The following DECR2 variants were observed in gnomAD, a reference collection of about 807,000 sequenced individuals.
DECR2 encodes 2,4-dienoyl-CoA reductase 2, also known as peroxisomal 2,4-dienoyl-CoA reductase [(3E)-enoyl-CoA-producing].
A neutral mutation model predicts 29.2 loss-of-function variants in DECR2; 34 were observed. That is an observed-to-expected ratio of 1.16 (90% CI 0.89 to 1.55). The LOEUF (loss-of-function observed/expected upper bound fraction) is 1.55. Among genes scored for constraint, DECR2 ranks in the 40% most tolerant of loss-of-function variants. The probability of loss-of-function intolerance (pLI) is 0.00; values close to 1 mark genes in which losing one functional copy is unlikely to be tolerated. For missense variants in DECR2, 485 were observed against 425.3 expected, an observed-to-expected ratio of 1.14 and a Z score of -1.23; for synonymous variants, 224 against 182.7, an observed-to-expected ratio of 1.23 and a Z score of -1.82.
chr16:405,477 G>A, intron 2 of DECR2: 2 of 1,252,988 alleles, frequency 1.6e-6, no homozygotes, highest in Non-Finnish European at 2.1e-6. Flanking sequence ...CCCACAGGAA[G>A]AGATATGGCC....
In DECR2 at chr16:403,499, T is replaced by A. The variant is rs142978401; in HGVS notation, c.80+1456T>A. On this transcript the variant is annotated intron_variant, in intron 1 of 8. Coordinates refer to ENST00000219481, the MANE Select transcript of DECR2 (RefSeq NM_020664.4). ...CCGACGTAGCTTGCTGAATCTCAGG[T>A]ATCATATTTGATATTAGTGCCATGC... Among the ~76,000 whole-genome samples, 552 of 152,278 alleles carry A rather than the reference T, an allele frequency of 3.6e-3. 4 individuals are homozygous for A. Among genetic ancestry groups the A allele is most frequent in the African/African-American group, 0.011 (439 of 41,560 alleles).
chr16:411,718 A>G (rs1386168304), intron 8 of DECR2, 140 bp downstream of exon 8: 1 of 924,904 alleles, frequency 1.1e-6, no homozygotes, highest in Non-Finnish European at 1.6e-6. Context: ...CTGCCCACAC[A>G]TGGGTGCTGC....
chr16:405,198 G>A (rs2054710702), intron 2 of DECR2, 174 bp downstream of exon 2: 2 of 743,586 alleles, frequency 2.7e-6, no homozygotes, highest in African/African-American at 1.8e-5. Context: ...TGCCCTGGGG[G>A]GAGTCAGGAC....
At position 410,700 on chromosome 16, in the gene DECR2, G is replaced by T; in HGVS notation, c.472G>T (p.Gly158Trp). The T allele has an allele frequency of 6.2e-7, 1 of 1,606,170 alleles. No individual in the cohort carries two copies. The highest frequency in any genetic ancestry group is 8.5e-7 in the Non-Finnish European group (1 of 1,178,142). Residue 158 changes from glycine (G) to tryptophan (W), a missense_variant, in exon 6 of 9, where the codon GGG becomes TGG. Coordinates refer to ENST00000219481, the MANE Select transcript of DECR2 (RefSeq NM_020664.4). This position sits in a 1 kb window ranked among gnomAD's most constrained non-coding sequence, Gnocchi z 4.1. The part of the protein sequence containing the change: ...LYEKFFRDHG[G>W]VIVNITATLG... ...GCCTTGTGTGTTGCAGGACCACGGA[G>T]GGGTGATCGTGAACATCACTGCCAC...
In DECR2 at chr16:404,652, C is replaced by T. The variant is rs139956208; in HGVS notation, c.81-304C>T. 8.1e-3 allele frequency among the ~76,000 whole-genome samples: 1,235 copies of T among 151,712 alleles called. 17 individuals carry two copies. Among genetic ancestry groups the T allele is most frequent in the African/African-American group, 0.027 (1,120 of 41,368 alleles). The stretch of plus-strand genomic sequence containing the variant: ...TTTTATTTATACATATTTTTTGAGA[C>T]GGAGTCTTGCTCTTTTGCCCAGGCT... On this transcript the variant is annotated intron_variant, in intron 1 of 8. Transcript: ENST00000219481.
Position 410,370 on chromosome 16 carries a change from G to C in DECR2, c.462+3G>C, listed in dbSNP as rs761302440. 2 of 1,596,222 alleles carry C rather than the reference G, an allele frequency of 1.3e-6. No homozygotes were observed. The highest frequency in any genetic ancestry group is 1.7e-6 in the Non-Finnish European group (2 of 1,172,056). ...TGCTCTATGAGAAGTTCTTCCGGGT[G>C]GGTGCCTCGTGCGCTCTGTGAGAAG... On this transcript the variant is annotated splice_donor_region_variant and intron_variant, in intron 5 of 8. Transcript: ENST00000219481. This position sits in a 1 kb window ranked among gnomAD's most constrained non-coding sequence, Gnocchi z 4.1.
chr16:409,349 T>A (rs2141814984), intron 4 of DECR2, among the ~76,000 whole-genome samples: 1 of 150,078 alleles, frequency 6.7e-6, no homozygotes, highest in South Asian at 2.1e-4. Flanking sequence ...TTTTTGTATT[T>A]TTACTAGAGA....
chr16:405,336 A>G (rs2054712595), intron 2 of DECR2: 1 of 541,762 alleles, frequency 1.8e-6, no homozygotes, highest in South Asian at 2.2e-5. Context: ...CCTGGGACAC[A>G]ATTCTGTGGC....
chr16:407,342 G>A, intron 3 of DECR2, 83 bp from the exon 4 acceptor site: 1 of 1,502,106 alleles, frequency 6.7e-7, no homozygotes, highest in Non-Finnish European at 8.8e-7. Context: ...GAACCCGGAA[G>A]CATCGTCCTC....
chr16:411,139 A>G, intron 7 of DECR2, 63 bp downstream of exon 7: 2 of 1,411,998 alleles, frequency 1.4e-6, no homozygotes, highest in Non-Finnish European at 1.9e-6. Flanking sequence ...GGTGCCCATG[A>G]AGCTTCCAGA....
In DECR2 at chr16:402,011, G is replaced by T. The variant is rs1201879817; in HGVS notation, c.48G>T (p.Ala16=). 6.7e-7 allele frequency: 1 copy of T among 1,489,286 alleles called. No homozygotes were observed. The highest frequency in any genetic ancestry group is 2.3e-5 in the Admixed American group (1 of 43,722). The allele number at this position is 1,489,286 out of a possible 1,614,324, so 92.3% of individuals were successfully genotyped here. The part of the protein sequence containing the change: ...PDVEGDDCLP[A]YRHLFCPDLL... Reference sequence around the variant, plus strand: ...TGGAGGGGGACGACTGTCTCCCCGCGTACCGCCACCTCTTCTGCCCGGACC... The same window carrying T: ...TGGAGGGGGACGACTGTCTCCCCGCTTACCGCCACCTCTTCTGCCCGGACC... Residue 16 remains alanine (A), a synonymous_variant, in exon 1 of 9, where the codon GCG becomes GCT. Transcript: ENST00000219481.
At chr16:407,368 C>T (rs2054738053) in intron 3 of DECR2, 57 bp from the exon 4 acceptor site, 1 of 1,546,282 alleles carries the variant, frequency 6.5e-7, no homozygotes, top group Non-Finnish European at 8.7e-7. Flanking sequence ...ATTCCAAAGG[C>T]CTTTTCTCCA....
At chr16:408,271 G>GTCTCCGGCCCCA (rs1163158326) in intron 4 of DECR2, among the ~76,000 whole-genome samples, 4 of 126,098 alleles carry the variant, frequency 3.2e-5, no homozygotes, top group African/African-American at 9.3e-5. Flanking sequence ...CTGGGCCTCT[G>GTCTCCGGCCCCA]TCTCCGGCCC....
rs754368239 is a variant in DECR2, at chr16:407,467, CCT to C, written c.251_252del (p.Ser84TyrfsTer28). The C allele has an allele frequency of 1.2e-6, 2 of 1,613,238 alleles. No individual in the cohort carries two copies. The highest frequency in any genetic ancestry group is 1.7e-6 in the Non-Finnish European group (2 of 1,179,788). On this transcript the variant is annotated frameshift_variant, in exon 4 of 9. Coordinates refer to ENST00000219481, the MANE Select transcript of DECR2 (RefSeq NM_020664.4). LOFTEE classifies it high-confidence loss of function. The part of the protein sequence containing the change: ...LAGATGRRCL[P>X]LSMDVRAPPA... ...TGGGGCCACCGGCCGGCGCTGCCTC[CCT>C]CTCTCTATGGACGTCCGAGCGCCCC...
intron 7 of DECR2, 32 bp from the exon 8 acceptor site, chr16:411,329 T>C: frequency 6.3e-7 from 1 of 1,582,570 alleles, no homozygotes; most frequent in Admixed American, 1.7e-5. Context: ...GTCTTGGGGC[T>C]CACGGGGCCT....
At chr16:405,116 G>A (rs943210440) in intron 2 of DECR2, 92 bp downstream of exon 2, 100 of 1,483,652 alleles carry the variant, frequency 6.7e-5, no homozygotes, top group Non-Finnish European at 8.5e-5. Flanking sequence ...TTGGTGGGAG[G>A]TAGATGTCCC....
intron 1 of DECR2, chr16:403,158 G>T (rs1302692225): frequency 1.7e-5 from 6 of 355,812 alleles, no homozygotes; most frequent in African/African-American, 1.3e-4. Flanking sequence ...CGCCCAAGTG[G>T]GACTATAGGC....
At chr16:405,934 G>C (rs2054718941) in intron 2 of DECR2, among the ~76,000 whole-genome samples, 1 of 152,204 alleles carries the variant, frequency 6.6e-6, no homozygotes, top group African/African-American at 2.4e-5. Context: ...AGGCCAACGT[G>C]GTGGATTCGC....
intron 8 of DECR2, 117 bp downstream of exon 8, chr16:411,695 C>T: frequency 1.7e-6 from 2 of 1,195,462 alleles, no homozygotes; most frequent in Non-Finnish European, 2.3e-6. Context: ...ATCCTCCCGG[C>T]CCCTGCGCCA....
Sources: gnomAD v4.1 joint callset for allele counts (sites outside exome capture counted in the v4.1 genomes callset) on GRCh38, gnomAD v4.1.1 for gene constraint, Gnocchi (gnomAD v3.1) non-coding constraint, MANE v1.5 for transcripts, NCBI Gene and HGNC (gene_info 2026-07-23, HGNC 2026-07-21) for gene names.